Variants in PTPN3 observed in about 807,000 individuals in gnomAD.
The protein encoded by PTPN3 is protein tyrosine phosphatase non-receptor type 3.
A neutral mutation model predicts 132.7 loss-of-function variants in PTPN3; 96 were observed. The observed-to-expected ratio is 0.72, with a 90% confidence interval of 0.61 to 0.86. The LOEUF is 0.86. Among genes scored for constraint, PTPN3 ranks in the 40% least tolerant of loss-of-function variants. The pLI, the probability that PTPN3 is intolerant of heterozygous loss-of-function variation, is 0.00. For synonymous variants in PTPN3, 398 were observed against 429.0 expected (o/e 0.93, Z 0.89); for missense variants, 1,125 against 1,159.6 (o/e 0.97, Z 0.43).
Position 109,431,982 on chromosome 9 carries a change from ACTG to A in PTPN3, c.764+1088_764+1090del, listed in dbSNP as rs553317582. On this transcript the variant is annotated intron_variant, in intron 10 of 25. Transcript: ENST00000374541. ...ACACAGTAAGCATGCAATAAGAATT[ACTG>A]CTATTAATAACGATAATTTTGTTAT... 4.9e-3 allele frequency among the ~76,000 whole-genome samples: 734 copies of A among 151,090 alleles called. 6 individuals are homozygous for A. Among genetic ancestry groups the A allele is most frequent in the African/African-American group, 0.017 (707 of 41,352 alleles).
intron 11 of PTPN3, among the ~76,000 whole-genome samples, chr9:109,427,913 G>T (rs763495361): frequency 8.3e-4 from 126 of 152,344 alleles, no homozygotes; most frequent in Non-Finnish European, 1.7e-3. Context: ...GTAATGATCT[G>T]GTTAAAATTC....
the PTPN3 span, among the ~76,000 whole-genome samples, chr9:109,509,063 C>A: frequency 2.6e-5 from 4 of 152,174 alleles, no homozygotes; most frequent in African/African-American, 9.7e-5. Flanking sequence ...AGGTGAAGGG[C>A]ACATTCTTTT....
At chr9:109,382,785 T>C (rs1839224151) in intron 23 of PTPN3, among the ~76,000 whole-genome samples, 1 of 147,958 alleles carries the variant, frequency 6.8e-6, no homozygotes, top group African/African-American at 2.5e-5. Flanking sequence ...TGGCAAAATA[T>C]ACTAACATGA....
chr9:109,406,631 G>A lies in PTPN3; in HGVS notation c.1636-13C>T. The A allele has an allele frequency of 6.2e-6, 10 of 1,613,492 alleles. No homozygotes were observed. The highest frequency in any genetic ancestry group is 1.3e-5 in the African/African-American group (1 of 75,042). On this transcript the variant is annotated splice_polypyrimidine_tract_variant and intron_variant, in intron 17 of 25. Transcript: ENST00000374541. Reference sequence around the variant, plus strand: ...TGCAGGTGTCCGCCTGGGTGGTGGGGAAAAGCGAGTTTCTCCTGTTACCAT... The same window carrying A: ...TGCAGGTGTCCGCCTGGGTGGTGGGAAAAAGCGAGTTTCTCCTGTTACCAT...
At chr9:109,381,562 T>C (rs1327920429) in intron 25 of PTPN3, 90 bp downstream of exon 25, 1 of 1,524,306 alleles carries the variant, frequency 6.6e-7, no homozygotes, top group East Asian at 2.3e-5. Context: ...TGAGCTGCAG[T>C]CTGTTGACTC....
chr9:109,515,114 C>T, the PTPN3 span, among the ~76,000 whole-genome samples: 1 of 152,094 alleles, frequency 6.6e-6, no homozygotes, highest in Non-Finnish European at 1.5e-5. Context: ...CCTCAACCTT[C>T]CGGGGCCAAG....
chr9:109,437,105 C>A, intron 8 of PTPN3, 135 bp from the exon 9 acceptor site: 1 of 1,402,882 alleles, frequency 7.1e-7, no homozygotes, highest in Non-Finnish European at 9.5e-7. Flanking sequence ...CTTCAGCAAT[C>A]TAATGCTAAA....
intron 1 of PTPN3, among the ~76,000 whole-genome samples, chr9:109,464,606 T>C (rs770324609): frequency 3.9e-5 from 6 of 152,148 alleles, no homozygotes; most frequent in Admixed American, 6.5e-5. Flanking sequence ...TGGACCAAAA[T>C]ATGTATCTAA....
intron 22 of PTPN3, among the ~76,000 whole-genome samples, chr9:109,383,827 C>A (rs915231596): frequency 3.3e-5 from 5 of 152,138 alleles, no homozygotes; most frequent in African/African-American, 1.2e-4. Context: ...GCTGGAAGAG[C>A]ACCAGTGGCC....
At chr9:109,518,563 G>GCTTC in the PTPN3 span, among the ~76,000 whole-genome samples, 1 of 152,274 alleles carries the variant, frequency 6.6e-6, no homozygotes, top group East Asian at 1.9e-4. Flanking sequence ...CGTAATTAAG[G>GCTTC]CTTCCTTCCT....
chr9:109,479,637 C>T (rs1045875863), intron 1 of PTPN3, among the ~76,000 whole-genome samples: 1 of 152,226 alleles, frequency 6.6e-6, no homozygotes, highest in Non-Finnish European at 1.5e-5. Flanking sequence ...AGTGCAAAGG[C>T]ACCATCTCAG....
chr9:109,491,446 T>C (rs971310121), intron 1 of PTPN3, among the ~76,000 whole-genome samples: 2 of 152,036 alleles, frequency 1.3e-5, no homozygotes, highest in South Asian at 2.1e-4. Flanking sequence ...GTGAAGAATT[T>C]ATGGGACTTC....
intron 4 of PTPN3, among the ~76,000 whole-genome samples, chr9:109,455,890 C>T (rs918940777): frequency 1.3e-5 from 2 of 152,192 alleles, no homozygotes; most frequent in African/African-American, 2.4e-5. Context: ...GCTCAGGATA[C>T]GTTCACCGAA....
chr9:109,427,148 C>T (rs1386108548), intron 11 of PTPN3, 26 bp from the exon 12 acceptor site: 2 of 1,610,866 alleles, frequency 1.2e-6, no homozygotes, highest in Non-Finnish European at 1.7e-6. Flanking sequence ...GTCAAGATTT[C>T]ACCCACACAG....
At chr9:109,531,880 C>G in the PTPN3 span, among the ~76,000 whole-genome samples, 1 of 152,026 alleles carries the variant, frequency 6.6e-6, no homozygotes, top group Non-Finnish European at 1.5e-5. Flanking sequence ...CCCTTGCATT[C>G]TGCCTGAAAG....
intron 7 of PTPN3, among the ~76,000 whole-genome samples, chr9:109,440,960 C>T (rs907455262): frequency 1.3e-5 from 2 of 152,138 alleles, no homozygotes; most frequent in African/African-American, 2.4e-5. Context: ...GGTTTCACAT[C>T]GATTTCAATG....
chr9:109,379,682 G>A (rs1838862398), intron 25 of PTPN3, 49 bp from the exon 26 acceptor site: 3 of 1,468,996 alleles, frequency 2.0e-6, no homozygotes, highest in Admixed American at 1.7e-5. Flanking sequence ...AGGAAATGCT[G>A]CCTACCACAC....
At chr9:109,482,829 C>T (rs1449517821) in intron 1 of PTPN3, among the ~76,000 whole-genome samples, 2 of 152,198 alleles carry the variant, frequency 1.3e-5, no homozygotes, top group Admixed American at 1.3e-4. Flanking sequence ...GGACAAGTTA[C>T]TGAACCTCAC....
At chr9:109,464,685 T>C (rs1219916623) in intron 1 of PTPN3, among the ~76,000 whole-genome samples, 1 of 152,212 alleles carries the variant, frequency 6.6e-6, no homozygotes, top group African/African-American at 2.4e-5. Flanking sequence ...AAAGACCCCA[T>C]TTATCAAATG....
Sources: allele counts gnomAD v4.1 joint callset (sites outside exome capture counted in the v4.1 genomes callset), GRCh38; gene constraint gnomAD v4.1.1; transcripts MANE v1.5; gene names NCBI Gene and HGNC (gene_info 2026-07-23, HGNC 2026-07-21).